The following METAP1 variants were observed in gnomAD, a reference collection of about 807,000 sequenced individuals.
METAP1 encodes the protein methionine aminopeptidase 1.
Under a neutral mutation model 53.8 loss-of-function variants are expected in METAP1, and 28 were observed. The ratio of observed to expected loss-of-function variants is 0.52; its 90% confidence interval spans 0.39 to 0.71. METAP1 has a LOEUF of 0.71. Ranked by LOEUF, METAP1 falls within the 30% of genes least tolerant of loss-of-function variation. The probability of loss-of-function intolerance (pLI) is 0.00; values close to 1 mark genes in which losing one functional copy is unlikely to be tolerated. For synonymous variants in METAP1, 181 were observed against 165.7 expected (o/e 1.09, Z -0.71); for missense variants, 389 against 479.8 (o/e 0.81, Z 1.77).
At chr4:99,001,914 A>G (rs1315524876) in intron 1 of METAP1, among the ~76,000 whole-genome samples, 1 of 152,174 alleles carries the variant, frequency 6.6e-6, no homozygotes, top group African/African-American at 2.4e-5. Context: ...AAATATACCT[A>G]CATTACAGTA....
chr4:99,029,846 C>A (rs987436546), intron 2 of METAP1, among the ~76,000 whole-genome samples: 1 of 151,938 alleles, frequency 6.6e-6, no homozygotes, highest in Non-Finnish European at 1.5e-5. Context: ...CAGGGAAATA[C>A]AAATTTTAAA....
chr4:99,041,942 C>T lies in METAP1; in HGVS notation c.516+816C>T, dbSNP rs145536981. ...TATTGTTTCATATGTTAGTATAAGACGTATCGTATGCAATAATAGCATTTT... is the reference window on the plus strand; with the variant it reads ...TATTGTTTCATATGTTAGTATAAGATGTATCGTATGCAATAATAGCATTTT... On this transcript the variant is annotated intron_variant, in intron 6 of 10. Coordinates refer to ENST00000296411, the MANE Select transcript of METAP1 (RefSeq NM_015143.3). Among the ~76,000 whole-genome samples the T allele has an allele frequency of 3.2e-3, 484 of 151,838 alleles. 2 individuals carry two copies. Among genetic ancestry groups the T allele is most frequent in the Middle Eastern group, 0.024 (7 of 294 alleles).
At chr4:99,050,144 G>A (rs1303781531) in intron 9 of METAP1, among the ~76,000 whole-genome samples, 2 of 152,140 alleles carry the variant, frequency 1.3e-5, no homozygotes, top group African/African-American at 2.4e-5. Context: ...GTTGGGTGGA[G>A]AGGAGAAAAA....
intron 9 of METAP1, among the ~76,000 whole-genome samples, chr4:99,056,727 G>A (rs1301372824): frequency 6.6e-6 from 1 of 151,726 alleles, no homozygotes; most frequent in African/African-American, 2.4e-5. Context: ...CCGCCACCAC[G>A]CCCAGCTAAT....
intron 8 of METAP1, among the ~76,000 whole-genome samples, chr4:99,047,124 A>AC (rs1239810368): frequency 1.3e-5 from 2 of 151,764 alleles, no homozygotes; most frequent in African/African-American, 4.8e-5. Context: ...CTCATTTTGC[A>AC]CCTCCCTTAC....
intron 1 of METAP1, among the ~76,000 whole-genome samples, chr4:99,019,127 A>G (rs989086633): frequency 5.3e-5 from 8 of 152,204 alleles, no homozygotes; most frequent in Non-Finnish European, 1.0e-4. Flanking sequence ...TCTGACTTCT[A>G]TATCTTCTAG....
At chr4:99,024,670 C>T (rs543686701) in intron 1 of METAP1, among the ~76,000 whole-genome samples, 2 of 152,230 alleles carry the variant, frequency 1.3e-5, no homozygotes, top group South Asian at 2.1e-4. Flanking sequence ...TCCCCAGGGG[C>T]GATTTGGGGA....
At chr4:99,001,738 T>G (rs374674233) in intron 1 of METAP1, among the ~76,000 whole-genome samples, 2 of 152,334 alleles carry the variant, frequency 1.3e-5, no homozygotes, top group South Asian at 2.1e-4. Flanking sequence ...TCATTTTGAC[T>G]TACTCAGGAA....
chr4:99,021,115 T>C (rs1180815124), intron 1 of METAP1, among the ~76,000 whole-genome samples: 1 of 152,172 alleles, frequency 6.6e-6, no homozygotes, highest in South Asian at 2.1e-4. Context: ...AGTGTTAGTT[T>C]CTTATTGCCT....
At chr4:99,019,171 A>G (rs1488574695) in intron 1 of METAP1, among the ~76,000 whole-genome samples, 2 of 152,170 alleles carry the variant, frequency 1.3e-5, no homozygotes, top group Non-Finnish European at 2.9e-5. Flanking sequence ...CTTTCACCCC[A>G]GATAATAGTA....
intron 1 of METAP1, among the ~76,000 whole-genome samples, chr4:99,019,297 C>T (rs1356207335): frequency 6.6e-6 from 1 of 152,134 alleles, no homozygotes; most frequent in Non-Finnish European, 1.5e-5. Flanking sequence ...CCAAATTTAT[C>T]AAGGGCTCTT....
intron 8 of METAP1, among the ~76,000 whole-genome samples, chr4:99,048,473 TC>T (rs1383087035): frequency 1.3e-5 from 2 of 152,270 alleles, no homozygotes; most frequent in Non-Finnish European, 1.5e-5. Context: ...GTTCTAGTGA[TC>T]CTCCTAGCAC....
intron 1 of METAP1, among the ~76,000 whole-genome samples, chr4:99,004,534 C>T (rs1723089733): frequency 1.3e-5 from 2 of 150,726 alleles, no homozygotes; most frequent in Admixed American, 1.3e-4. Context: ...GCAAATCATC[C>T]ACGGGATCTA....
Position 99,031,101 on chromosome 4 carries a change from G to GTTT in METAP1, c.166+2204_166+2206dup, listed in dbSNP as rs56082818. Reference sequence around the variant, plus strand: ...GAGTTAAATAAATGACTCAAAGGTAGTTTTTTTTTTTTTTTTTTTTTTTAC... The same window carrying GTTT: ...GAGTTAAATAAATGACTCAAAGGTAGTTTTTTTTTTTTTTTTTTTTTTTTTTAC... On this transcript the variant is annotated intron_variant, in intron 2 of 10. Transcript: ENST00000296411. Among the ~76,000 whole-genome samples the GTTT allele has an allele frequency of 4.9e-4, 54 of 109,898 alleles. 3 individuals are homozygous for GTTT. The highest frequency in any genetic ancestry group is 3.4e-3 in the East Asian group (11 of 3,238). 72.1% of individuals were successfully genotyped at this position (109,898 alleles called of 152,430 possible).
chr4:99,023,285 A>G, intron 1 of METAP1: 1 of 473,410 alleles, frequency 2.1e-6, no homozygotes, highest in South Asian at 5.8e-5. Flanking sequence ...GTGAGCATTA[A>G]GTTGCATATG....
intron 2 of METAP1, among the ~76,000 whole-genome samples, chr4:99,030,216 C>T (rs925401157): frequency 2.0e-5 from 3 of 152,100 alleles, no homozygotes; most frequent in Admixed American, 6.6e-5. Context: ...AGCTTAAAAT[C>T]GGCCTCTCCC....
rs144064602 is a variant in METAP1 at position 99,005,600 on chromosome 4, T to C, written c.114+9733T>C. Among the ~76,000 whole-genome samples the C allele has an allele frequency of 6.2e-3, 939 of 152,322 alleles. 9 individuals carry two copies. Among genetic ancestry groups the C allele is most frequent in the African/African-American group, 0.021 (869 of 41,570 alleles). On this transcript the variant is annotated intron_variant, in intron 1 of 10. Transcript: ENST00000296411. Reference sequence around the variant, plus strand: ...CTATCCAAAGGAAGAGAAGTCATTATATAAAAAGACACCTGTATATGTATG... The same window carrying C: ...CTATCCAAAGGAAGAGAAGTCATTACATAAAAAGACACCTGTATATGTATG...
intron 1 of METAP1, chr4:99,005,708 T>C (rs778734842): frequency 2.8e-6 from 1 of 356,296 alleles, no homozygotes; most frequent in Non-Finnish European, 5.4e-6. Flanking sequence ...AAATTTGATA[T>C]ATATACATCA....
chr4:99,051,322 C>A (rs1040024021), intron 9 of METAP1, among the ~76,000 whole-genome samples: 13 of 152,046 alleles, frequency 8.6e-5, no homozygotes, highest in Non-Finnish European at 1.9e-4. Flanking sequence ...ATGTGAGTTT[C>A]CTATTAAAGC....
Sources: gnomAD v4.1 joint callset for allele counts (sites outside exome capture counted in the v4.1 genomes callset) on GRCh38, gnomAD v4.1.1 for gene constraint, MANE v1.5 for transcripts, NCBI Gene and HGNC (gene_info 2026-07-23, HGNC 2026-07-21) for gene names.